ATP8B1: variants seen among roughly 807,000 people sequenced by gnomAD.
The protein encoded by ATP8B1 is phospholipid-transporting ATPase IC.
In ATP8B1, 80 loss-of-function variants were observed where a neutral mutation model predicts 149.9. The ratio of observed to expected loss-of-function variants is 0.53; its 90% confidence interval spans 0.45 to 0.64. The LOEUF is 0.64. Among genes scored for constraint, ATP8B1 ranks in the 30% least tolerant of loss-of-function variants. ATP8B1 has a pLI of 0.00. For synonymous variants in ATP8B1, 536 were observed against 562.8 expected (o/e 0.95, Z 0.67); for missense variants, 1,247 against 1,552.6 (o/e 0.80, Z 3.31).
intron 1 of ATP8B1, among the ~76,000 whole-genome samples, chr18:57,778,228 C>CTTTTT (rs5825238): frequency 1.0e-5 from 1 of 97,684 alleles, no homozygotes; most frequent in African/African-American, 4.4e-5. Flanking sequence ...TTTTCTTTTT[C>CTTTTT]TTTTTTTTTT....
At chr18:57,771,311 A>G (rs2080261010) in intron 1 of ATP8B1, among the ~76,000 whole-genome samples, 1 of 152,236 alleles carries the variant, frequency 6.6e-6, no homozygotes, top group South Asian at 2.1e-4. Flanking sequence ...TTTAGAGGAT[A>G]TGGGAGTAGT....
chr18:57,695,434 C>T lies in ATP8B1; in HGVS notation c.781+16G>A. 1 of 1,607,256 alleles carries T rather than the reference C, an allele frequency of 6.2e-7. No individual in the cohort carries two copies. Among genetic ancestry groups the T allele is most frequent in the East Asian group, 2.2e-5 (1 of 44,812 alleles). Reference sequence around the variant, plus strand: ...AACTAAAATTTAAAGCAAAGTAAGACATGTTTGGTACAAACCATCAAATGT... The same window carrying T: ...AACTAAAATTTAAAGCAAAGTAAGATATGTTTGGTACAAACCATCAAATGT... On this transcript the variant is annotated intron_variant, in intron 9 of 27. Coordinates refer to ENST00000648908, the MANE Select transcript of ATP8B1 (RefSeq NM_001374385.1).
intron 13 of ATP8B1, among the ~76,000 whole-genome samples, chr18:57,687,905 G>A (rs1488750669): frequency 3.3e-5 from 5 of 149,608 alleles, no homozygotes; most frequent in African/African-American, 1.2e-4. Context: ...TCAGTCTCCC[G>A]AGTAGCTGGG....
intron 2 of ATP8B1, among the ~76,000 whole-genome samples, chr18:57,714,210 G>A (rs1913888713): frequency 6.6e-6 from 1 of 152,200 alleles, no homozygotes; most frequent in South Asian, 2.1e-4. Context: ...TGTGGAAAGG[G>A]CAGAATAGTG....
At chr18:57,781,661 C>T (rs1004079570) in intron 1 of ATP8B1, among the ~76,000 whole-genome samples, 1 of 152,214 alleles carries the variant, frequency 6.6e-6, no homozygotes, top group African/African-American at 2.4e-5. Flanking sequence ...TAAATCCTAA[C>T]ACAGACTGTT....
At chr18:57,671,668 G>T in intron 16 of ATP8B1, 88 bp from the exon 17 acceptor site, 1 of 923,060 alleles carries the variant, frequency 1.1e-6, no homozygotes, top group Non-Finnish European at 1.7e-6. Flanking sequence ...TGTTGTCCAG[G>T]CTGGAGTGCA....
intron 26 of ATP8B1, among the ~76,000 whole-genome samples, chr18:57,651,641 T>G (rs1436486041): frequency 6.8e-6 from 1 of 147,142 alleles, no homozygotes; most frequent in Non-Finnish European, 1.5e-5. Context: ...GTTTTTTTTG[T>G]TTTTTTTTTG....
intron 2 of ATP8B1, among the ~76,000 whole-genome samples, chr18:57,712,086 G>T (rs1170116723): frequency 6.7e-6 from 1 of 148,946 alleles, no homozygotes; most frequent in Non-Finnish European, 1.5e-5. Flanking sequence ...ATGGAGAGGA[G>T]CAAGGTGGCC....
intron 8 of ATP8B1, among the ~76,000 whole-genome samples, chr18:57,697,327 GATA>G (rs551595281): frequency 2.9e-4 from 44 of 152,238 alleles, no homozygotes; most frequent in African/African-American, 9.4e-4. Context: ...CTCTGACACA[GATA>G]ATAACCTCGA....
chr18:57,710,796 G>A (rs931456811), intron 2 of ATP8B1, among the ~76,000 whole-genome samples: 2 of 151,968 alleles, frequency 1.3e-5, no homozygotes. Context: ...CATCATGCCC[G>A]GCTAATTTTT....
intron 1 of ATP8B1, among the ~76,000 whole-genome samples, chr18:57,753,346 A>G (rs1400089988): frequency 6.6e-6 from 1 of 152,270 alleles, no homozygotes; most frequent in African/African-American, 2.4e-5. Context: ...AGATCTATAG[A>G]TAAAAACAAC....
At chr18:57,672,995 G>GTA (rs57894241) in intron 16 of ATP8B1, among the ~76,000 whole-genome samples, 35,813 of 96,584 alleles carry the variant, frequency 0.37, 9,095 homozygotes, top group African/African-American at 0.45. Context: ...ATAAATACAT[G>GTA]TATATATAAA....
In ATP8B1 at chr18:57,662,497, T is replaced by A. The variant is rs1343283702; in HGVS notation, c.2404A>T (p.Thr802Ser). The A allele has an allele frequency of 6.2e-7, 1 of 1,613,998 alleles. No homozygotes were observed. The highest frequency in any genetic ancestry group is 1.1e-5 in the South Asian group (1 of 91,050). Residue 802 changes from threonine (T) to serine (S), a missense_variant, in exon 21 of 28, where the codon ACT becomes TCT. Physicochemically the swap from Thr to Ser is moderately conservative, Grantham distance 58. Coordinates refer to ENST00000648908, the MANE Select transcript of ATP8B1 (RefSeq NM_001374385.1). ...ATGATACGTACCAACCAAGAACCAG[T>A]GATGATTAAGGCACGGTTTCCACCG... ...PPGGNRALII[T>S]GSWLNEILLE...
At chr18:57,659,215 G>A (rs2122623902) in intron 22 of ATP8B1, among the ~76,000 whole-genome samples, 1 of 152,254 alleles carries the variant, frequency 6.6e-6, no homozygotes, top group East Asian at 1.9e-4. Flanking sequence ...GGTGGAGGTT[G>A]CAGTAAGCCA....
intron 22 of ATP8B1, among the ~76,000 whole-genome samples, chr18:57,658,039 A>G (rs1910123919): frequency 6.6e-6 from 1 of 151,504 alleles, no homozygotes; most frequent in East Asian, 2.0e-4. Context: ...CGCTACAGCA[A>G]TAATCCCTCT....
At chr18:57,787,634 T>C (rs2080423037) in intron 1 of ATP8B1, among the ~76,000 whole-genome samples, 1 of 152,240 alleles carries the variant, frequency 6.6e-6, no homozygotes, top group Non-Finnish European at 1.5e-5. Context: ...AGCTTCTTTT[T>C]CAAAGTTGGC....
intron 1 of ATP8B1, among the ~76,000 whole-genome samples, chr18:57,785,751 A>C (rs2571234): frequency 0.39 from 59,308 of 152,150 alleles, 15,120 homozygotes; most frequent in African/African-American, 0.72. Flanking sequence ...AGTGATCCAC[A>C]TGCCTCAGCC....
rs555126405 is a variant in ATP8B1, at chr18:57,735,191, G to A, written c.-25-3359C>T. On this transcript the variant is annotated intron_variant, in intron 1 of 27. Transcript: ENST00000648908. ...TACCGCTAGAACTGAGCTTTCGCTC[G>A]CCGTCCACCACTGCTGTTTTGCTGC... 1.1e-4 allele frequency: 18 copies of A among 164,258 alleles called. No homozygotes were observed. The South Asian group carries it at 2.4e-3, about 22-fold the overall frequency. 10.2% of individuals were successfully genotyped at this position (164,258 alleles called of 1,614,324 possible).
intron 2 of ATP8B1, among the ~76,000 whole-genome samples, chr18:57,707,601 C>T (rs779132410): frequency 1.2e-4 from 18 of 144,316 alleles, no homozygotes; most frequent in African/African-American, 2.6e-5. Context: ...CTCTGCCTCC[C>T]GGGTTCAAGT....
Sources: allele counts gnomAD v4.1 joint callset (sites outside exome capture counted in the v4.1 genomes callset), GRCh38; gene constraint gnomAD v4.1.1; transcripts MANE v1.5; gene names NCBI Gene and HGNC (gene_info 2026-07-23, HGNC 2026-07-21).